The following PACRG variants were observed in gnomAD, a reference collection of about 807,000 sequenced individuals.
The protein encoded by PACRG is parkin coregulated.
Under a neutral mutation model 29.7 loss-of-function variants are expected in PACRG, and 29 were observed. The observed-to-expected ratio is 0.98, with a 90% confidence interval of 0.73 to 1.33. PACRG has a LOEUF of 1.33. Among genes scored for constraint, PACRG ranks in the 40% most tolerant of loss-of-function variants. The pLI is 0.00. For missense variants in PACRG, 279 were observed against 316.2 expected, an observed-to-expected ratio of 0.88 and a Z score of 0.89; for synonymous variants, 116 against 118.7, an observed-to-expected ratio of 0.98 and a Z score of 0.15.
intron 2 of PACRG, among the ~76,000 whole-genome samples, chr6:163,008,889 C>A (rs1176695376): frequency 2.0e-5 from 3 of 152,008 alleles, no homozygotes; most frequent in Non-Finnish European, 2.9e-5. Flanking sequence ...GGTGAAACTT[C>A]AATGAGCTTT....
chr6:163,069,214 A>G (rs944289937), intron 3 of PACRG, among the ~76,000 whole-genome samples: 4 of 151,790 alleles, frequency 2.6e-5, no homozygotes, highest in Non-Finnish European at 1.5e-5. Context: ...CAGACTGTGA[A>G]GACCGCAATA....
chr6:162,930,062 C>A (rs1797735350), intron 2 of PACRG, among the ~76,000 whole-genome samples: 1 of 151,462 alleles, frequency 6.6e-6, no homozygotes, highest in Admixed American at 6.6e-5. Context: ...CTCAAGATTT[C>A]TTTGGGTATT....
chr6:163,181,737 T>C (rs936567943), intron 4 of PACRG, among the ~76,000 whole-genome samples: 1 of 151,928 alleles, frequency 6.6e-6, no homozygotes, highest in Non-Finnish European at 1.5e-5. Flanking sequence ...TTTTTTCTCA[T>C]CATTAACCAC....
chr6:163,175,435 TG>T (rs1412517068), intron 4 of PACRG, among the ~76,000 whole-genome samples: 1 of 151,436 alleles, frequency 6.6e-6, no homozygotes, highest in Non-Finnish European at 1.5e-5. Context: ...CTGTGAAGGC[TG>T]GGGGGAGTGG....
At chr6:162,956,995 C>T (rs1391854701) in intron 2 of PACRG, among the ~76,000 whole-genome samples, 2 of 151,714 alleles carry the variant, frequency 1.3e-5, no homozygotes, top group Non-Finnish European at 2.9e-5. Context: ...CTCACCTGAT[C>T]TTTTTAGAAA....
chr6:163,132,097 A>G (rs1816763418), intron 4 of PACRG, among the ~76,000 whole-genome samples: 1 of 152,242 alleles, frequency 6.6e-6, no homozygotes, highest in South Asian at 2.1e-4. Flanking sequence ...CTAGCTTACT[A>G]TATATTAATT....
chr6:163,248,566 A>G (rs757904519), intron 4 of PACRG, among the ~76,000 whole-genome samples: 7 of 152,116 alleles, frequency 4.6e-5, no homozygotes, highest in Admixed American at 2.0e-4. Flanking sequence ...AAGTTGTCTG[A>G]TGGTTTCTCT....
Position 162,852,513 on chromosome 6 carries a change from TAC to T in PACRG, c.291+38233_291+38234del, listed in dbSNP as rs1230335838. 1.8e-4 allele frequency among the ~76,000 whole-genome samples: 28 copies of T among 152,362 alleles called. No homozygotes were observed. The East Asian group carries it at 5.2e-3, about 28-fold the overall frequency. ...GGCAGGTAGAGACCACAAAGGGACC[TAC>T]CTTGCATGAAAAACATAGATGTATT... On this transcript the variant is annotated intron_variant, in intron 2 of 4. Coordinates refer to ENST00000366888, the MANE Select transcript of PACRG (RefSeq NM_001080379.2).
chr6:162,823,119 A>G (rs1787980701), intron 2 of PACRG, among the ~76,000 whole-genome samples: 1 of 152,176 alleles, frequency 6.6e-6, no homozygotes, highest in Non-Finnish European at 1.5e-5. Context: ...TCAAGATGCT[A>G]TGTATATATG....
chr6:163,181,604 CAAAAAAAAAAAAAAA>C lies in PACRG; in HGVS notation c.613+92209_613+92223del, dbSNP rs544633309. On this transcript the variant is annotated intron_variant, in intron 4 of 4. Coordinates refer to ENST00000366888, the MANE Select transcript of PACRG (RefSeq NM_001080379.2). The stretch of plus-strand genomic sequence containing the variant: ...ATCAGAGATTATTTGCTTGAGGTGG[CAAAAAAAAAAAAAAA>C]AAAAAAAAAAAATACAGACACATCT... 1.4e-4 allele frequency among the ~76,000 whole-genome samples: 9 copies of C among 65,116 alleles called. 1 individual carries two copies. In the East Asian group the frequency reaches 4.0e-3, roughly 29 times the overall value. The allele number at this position is 65,116 out of a possible 152,430, so 42.7% of individuals were successfully genotyped here.
intron 4 of PACRG, among the ~76,000 whole-genome samples, chr6:163,135,504 A>G (rs1159745394): frequency 1.3e-5 from 2 of 152,230 alleles, no homozygotes; most frequent in Non-Finnish European, 2.9e-5. Context: ...AGTCATTTTA[A>G]TAACTAACTA....
intron 4 of PACRG, among the ~76,000 whole-genome samples, chr6:163,229,144 G>C (rs1781923196): frequency 1.3e-5 from 2 of 152,188 alleles, no homozygotes; most frequent in South Asian, 4.1e-4. Context: ...AGGATCACTT[G>C]AGTCCAGGAG....
At chr6:163,140,876 T>C (rs935501409) in intron 4 of PACRG, among the ~76,000 whole-genome samples, 6 of 152,048 alleles carry the variant, frequency 3.9e-5, no homozygotes, top group Non-Finnish European at 8.8e-5. Flanking sequence ...AAATGATAAA[T>C]TGGGTTAAAT....
intron 2 of PACRG, among the ~76,000 whole-genome samples, chr6:162,845,729 T>C (rs912681093): frequency 3.3e-5 from 5 of 152,218 alleles, no homozygotes; most frequent in African/African-American, 4.8e-5. Flanking sequence ...TAAAAGTATT[T>C]TCTTGAATCA....
intron 4 of PACRG, among the ~76,000 whole-genome samples, chr6:163,311,180 C>T (rs533398864): frequency 4.6e-5 from 7 of 152,342 alleles, no homozygotes; most frequent in Admixed American, 3.3e-4. Context: ...ATGGAGGGAT[C>T]TCCAAGAACA....
chr6:162,750,140 TTTA>T (rs1562560158), intron 1 of PACRG, among the ~76,000 whole-genome samples: 1 of 152,236 alleles, frequency 6.6e-6, no homozygotes, highest in Non-Finnish European at 1.5e-5. Context: ...AAAACTTAAA[TTTA>T]TGTCTGCCTT....
At chr6:162,893,026 C>G (rs1252251825) in intron 2 of PACRG, among the ~76,000 whole-genome samples, 1 of 150,600 alleles carries the variant, frequency 6.6e-6, no homozygotes, top group African/African-American at 2.4e-5. Flanking sequence ...CGGCCCACAT[C>G]CCGGAGAACC....
chr6:162,915,367 A>G (rs1474756123), intron 2 of PACRG, among the ~76,000 whole-genome samples: 1 of 152,020 alleles, frequency 6.6e-6, no homozygotes, highest in African/African-American at 2.4e-5. Context: ...CAAGGATATT[A>G]TGTAGGTATT....
chr6:163,075,991 A>G (rs1361174346), intron 3 of PACRG, among the ~76,000 whole-genome samples: 1 of 152,202 alleles, frequency 6.6e-6, no homozygotes, highest in Non-Finnish European at 1.5e-5. Context: ...CCACCCTGGA[A>G]GGGGCACATT....
Sources: allele counts gnomAD v4.1 joint callset (sites outside exome capture counted in the v4.1 genomes callset), GRCh38; gene constraint gnomAD v4.1.1; transcripts MANE v1.5; gene names NCBI Gene and HGNC (gene_info 2026-07-23, HGNC 2026-07-21).